The following DACT2 variants were observed in gnomAD, a reference collection of about 807,000 sequenced individuals.
DACT2 encodes the protein dishevelled binding antagonist of beta catenin 2.
A neutral mutation model predicts 22.2 loss-of-function variants in DACT2; 20 were observed. That is an observed-to-expected ratio of 0.90 (90% confidence interval 0.63 to 1.31). DACT2 has a LOEUF of 1.31. Among genes scored for constraint, DACT2 ranks in the 50% most tolerant of loss-of-function variants. DACT2 has a pLI of 0.00. For missense variants in DACT2, 1,048 were observed against 1,061.4 expected (o/e 0.99, Z 0.18); for synonymous variants, 463 against 479.8 (o/e 0.96, Z 0.46).
intron 1 of DACT2, among the ~76,000 whole-genome samples, chr6:168,314,229 C>T (rs1272244171): frequency 1.3e-5 from 2 of 152,208 alleles, no homozygotes; most frequent in Admixed American, 6.5e-5. Context: ...CCTGGATGGC[C>T]GTGCTCCACT....
At chr6:168,310,504 C>T in intron 2 of DACT2, 58 bp from the exon 3 acceptor site, 1 of 1,520,916 alleles carries the variant, frequency 6.6e-7, no homozygotes, top group Non-Finnish European at 8.8e-7. Context: ...CCAGGGCCCC[C>T]TCTCCTCCTG....
At chr6:168,306,734 G>C (rs963832453), downstream of DACT2, among the ~76,000 whole-genome samples, 5 of 152,120 alleles carry the variant, frequency 3.3e-5, no homozygotes, top group African/African-American at 1.2e-4. Context: ...ACAGGCGTGA[G>C]CCACCACGCC....
At chr6:168,317,942 G>A (rs1485471445) in intron 1 of DACT2, among the ~76,000 whole-genome samples, 1 of 86,880 alleles carries the variant, frequency 1.2e-5, no homozygotes, top group African/African-American at 3.5e-5. Context: ...TGTGTCTGGT[G>A]CAAACACACA....
intron 1 of DACT2, among the ~76,000 whole-genome samples, chr6:168,316,278 CGTCTGTGGCTGTCGTGTGCTG>C: frequency 6.6e-6 from 1 of 151,332 alleles, no homozygotes; most frequent in Non-Finnish European, 1.5e-5. Context: ...GTGTGTAACA[CGTCTGTGGCTGTCGTGTGCTG>C]AGCTGAGGTC....
In DACT2 at chr6:168,308,131, C is replaced by T. The variant is rs1219202045; in HGVS notation, c.1626G>A (p.Gly542=). The T allele has an allele frequency of 1.0e-5, 16 of 1,548,550 alleles. No individual in the cohort carries two copies. Among genetic ancestry groups the T allele is most frequent in the Non-Finnish European group, 1.4e-5 (16 of 1,145,616 alleles). ...LEWDPAHWPT[G]RGGLQRRPAL... is the part of the protein sequence containing the mutation. ...CTGGCCTCCGCTGGAGCCCGCCCCT[C>T]CCTGTGGGCCAGTGGGCAGGGTCCC... The change falls in exon 4 of 4, where the codon GGG becomes GGA. Residue 542 remains glycine, a synonymous_variant. Coordinates refer to ENST00000366795, the MANE Select transcript of DACT2 (RefSeq NM_214462.5).
intron 1 of DACT2, among the ~76,000 whole-genome samples, chr6:168,311,521 A>C (rs866475124): frequency 0.017 from 955 of 56,030 alleles, 21 homozygotes; most frequent in South Asian, 0.094. Flanking sequence ...CACACACACA[A>C]ACACACACAC....
At chr6:168,301,351 A>G (rs1297003113) in intron 3 of DACT2, among the ~76,000 whole-genome samples, 1 of 152,198 alleles carries the variant, frequency 6.6e-6, no homozygotes, top group Non-Finnish European at 1.5e-5. Flanking sequence ...GGAACCGAAC[A>G]CACAAGGGTC....
intron 2 of DACT2, 90 bp from the exon 3 acceptor site, chr6:168,310,536 G>A (rs1222529171): frequency 5.4e-6 from 8 of 1,480,394 alleles, no homozygotes; most frequent in South Asian, 5.4e-5. Context: ...GCACAGGTGG[G>A]CCCAGGGGAA....
rs147431033 is a variant in DACT2 at position 168,311,695 on chromosome 6, T to C, written c.247-411A>G. 4.6e-3 allele frequency among the ~76,000 whole-genome samples: 686 copies of C among 150,696 alleles called. 6 individuals are homozygous for C. Among genetic ancestry groups the C allele is most frequent in the South Asian group, 0.017 (82 of 4,782 alleles). On this transcript the variant is annotated intron_variant, in intron 1 of 3. Transcript: ENST00000366795. ...ATACACACACACTCACACACACACA[T>C]ACACACATGGGTTTTCTCCAGATCA... is the stretch of plus-strand genomic sequence containing the variant.
chr6:168,309,190 C>T (rs981019760), intron 3 of DACT2, 92 bp from the exon 4 acceptor site: 90 of 1,436,350 alleles, frequency 6.3e-5, no homozygotes, highest in African/African-American at 1.0e-4. Context: ...GGGATGGAAA[C>T]GCTGCTCATT....
At chr6:168,306,124 G>A (rs539476266), downstream of DACT2, among the ~76,000 whole-genome samples, 10 of 152,260 alleles carry the variant, frequency 6.6e-5, no homozygotes, top group Admixed American at 2.0e-4. Context: ...AATATTTCAC[G>A]CCTCCTTCCA....
At position 168,319,574 on chromosome 6, in the gene DACT2, C is replaced by G; in HGVS notation, c.60G>C (p.Ala20=). The G allele has an allele frequency of 7.3e-7, 1 of 1,376,176 alleles. No homozygotes were observed. The allele number at this position is 1,376,176 out of a possible 1,614,324, so 85.2% of individuals were successfully genotyped here. ...GCCCCGCGAACGCCGCGCGCAACCT[C>G]GCGCCCAACCTACGGCGGTCCCAGC... ...SAGWDRRRLG[A]RLRAAFAGLQ... The change falls in exon 1 of 4, where the codon GCG becomes GCC. Residue 20 remains alanine (A), a synonymous_variant. Coordinates refer to ENST00000366795, the MANE Select transcript of DACT2 (RefSeq NM_214462.5).
chr6:168,304,923 T>C (rs1438733852), downstream of DACT2, among the ~76,000 whole-genome samples: 1 of 152,206 alleles, frequency 6.6e-6, no homozygotes, highest in African/African-American at 2.4e-5. Context: ...CCCCATGGAA[T>C]CTGTGAGAAT....
chr6:168,304,646 C>A (rs1779167665), downstream of DACT2, among the ~76,000 whole-genome samples: 2 of 152,234 alleles, frequency 1.3e-5, no homozygotes, highest in African/African-American at 4.8e-5. Flanking sequence ...CACCCCTTGC[C>A]CCTACTGTGG....
chr6:168,304,271 C>T (rs931681722), downstream of DACT2, among the ~76,000 whole-genome samples: 6 of 152,200 alleles, frequency 3.9e-5, no homozygotes, highest in African/African-American at 1.4e-4. Flanking sequence ...GAAAAATATG[C>T]ACAGAACATA....
exon 6 of DACT2, chr6:168,293,788 G>GC (rs869105903): frequency 4.6e-6 from 3 of 656,802 alleles, no homozygotes; most frequent in Non-Finnish European, 8.2e-6. Context: ...GGCGGGCAGA[G>GC]GGGGGCCGAT....
intron 3 of DACT2, chr6:168,298,843 T>A (rs1377096704): frequency 1.3e-5 from 2 of 152,258 alleles, no homozygotes; most frequent in African/African-American, 4.8e-5. Context: ...AGCCAACTAT[T>A]CATTTCGGCT....
At chr6:168,294,712 G>T in intron 3 of DACT2, 1 of 1,451,806 alleles carries the variant, frequency 6.9e-7, no homozygotes, top group Non-Finnish European at 9.1e-7. Flanking sequence ...GCTCTGGTAA[G>T]AACAAAATGC....
intron 1 of DACT2, among the ~76,000 whole-genome samples, chr6:168,312,784 G>A (rs548634978): frequency 7.9e-5 from 12 of 152,222 alleles, no homozygotes; most frequent in African/African-American, 2.4e-4. Flanking sequence ...CATAACCTAG[G>A]CCTCAGGGAA....
Sources: gnomAD v4.1 joint callset for allele counts (sites outside exome capture counted in the v4.1 genomes callset) on GRCh38, gnomAD v4.1.1 for gene constraint, MANE v1.5 for transcripts, NCBI Gene and HGNC (gene_info 2026-07-23, HGNC 2026-07-21) for gene names.